The following FLVCR2 variants were observed in gnomAD, a reference collection of about 807,000 sequenced individuals.
FLVCR2 encodes the protein choline/ethanolamine transporter FLVCR2.
In FLVCR2, 38 loss-of-function variants were observed where a neutral mutation model predicts 48.9. The ratio of observed to expected loss-of-function variants is 0.78; its 90% CI spans 0.60 to 1.02. FLVCR2 has a LOEUF of 1.02. Among genes scored for constraint, FLVCR2 ranks in the 50% least tolerant of loss-of-function variants. The pLI is 0.00. For synonymous variants in FLVCR2, 255 were observed against 257.0 expected (o/e 0.99, Z 0.07); for missense variants, 664 against 663.3 (o/e 1.00, Z -0.01).
At position 75,578,720 on chromosome 14, in the gene FLVCR2, TG is replaced by T; in HGVS notation, c.-252del. The T allele has an allele frequency of 6.9e-6, 4 of 579,896 alleles. No homozygotes were observed. Among genetic ancestry groups the T allele is most frequent in the Non-Finnish European group, 1.2e-5 (4 of 326,214 alleles). 35.9% of individuals were successfully genotyped at this position (579,896 alleles called of 1,614,324 possible). On this transcript the variant is annotated 5_prime_UTR_variant, in exon 1 of 10. Coordinates refer to ENST00000238667, the MANE Select transcript of FLVCR2 (RefSeq NM_017791.3). ...AAGGCAGGAGCGGTCCGGAGCCGGCTGCGGCGTGTGCGGCCGGCCTTGGGAC... is the reference window on the plus strand; with the variant it reads ...AAGGCAGGAGCGGTCCGGAGCCGGCTCGGCGTGTGCGGCCGGCCTTGGGAC...
intron 3 of FLVCR2, among the ~76,000 whole-genome samples, chr14:75,627,227 T>C (rs889079704): frequency 3.3e-5 from 5 of 152,134 alleles, no homozygotes; most frequent in Middle Eastern, 6.8e-3. Flanking sequence ...CTTATCTATT[T>C]GATTAAATGA....
At chr14:75,644,177 G>A (rs143976197) in intron 9 of FLVCR2, among the ~76,000 whole-genome samples, 6 of 152,112 alleles carry the variant, frequency 3.9e-5, no homozygotes, top group Admixed American at 6.5e-5. Flanking sequence ...TTTATAACCT[G>A]TGTTTATGTT....
intron 1 of FLVCR2, among the ~76,000 whole-genome samples, chr14:75,583,946 C>G (rs1418143515): frequency 1.3e-5 from 2 of 152,200 alleles, no homozygotes; most frequent in African/African-American, 4.8e-5. Flanking sequence ...CAGTCTTCAG[C>G]TGCTAAGCCG....
At chr14:75,624,383 G>A (rs1301407560) in intron 2 of FLVCR2, among the ~76,000 whole-genome samples, 2 of 151,954 alleles carry the variant, frequency 1.3e-5, no homozygotes, top group Non-Finnish European at 1.5e-5. Flanking sequence ...AAAAGAAAAT[G>A]GCATAAAAAA....
At position 75,599,326 on chromosome 14, in the gene FLVCR2, AC is replaced by A. The variant is rs397966103; in HGVS notation, c.669+19694del. On this transcript the variant is annotated intron_variant, in intron 1 of 9. Transcript: ENST00000238667. ...TTTTTATACACTGACAATGTACAAC[AC>A]CCCCCCCCAAAAAATTAAGAAACAA... Among the ~76,000 whole-genome samples the A allele has an allele frequency of 1.0e-3, 152 of 148,250 alleles. 1 individual carries two copies. The highest frequency in any genetic ancestry group is 9.7e-3 in the East Asian group (48 of 4,928).
chr14:75,646,379 G>C, intron 9 of FLVCR2, 22 bp from the exon 10 acceptor site: 1 of 1,595,630 alleles, frequency 6.3e-7, no homozygotes, highest in Non-Finnish European at 8.6e-7. Context: ...CCACAGCACT[G>C]CCTGTTTGTT....
At chr14:75,614,095 A>AT (rs1321067584) in intron 1 of FLVCR2, among the ~76,000 whole-genome samples, 1 of 152,244 alleles carries the variant, frequency 6.6e-6, no homozygotes, top group Non-Finnish European at 1.5e-5. Flanking sequence ...ATCATACTGA[A>AT]TGCTTTAAAA....
At chr14:75,585,841 G>T (rs1888732001) in intron 1 of FLVCR2, among the ~76,000 whole-genome samples, 1 of 152,210 alleles carries the variant, frequency 6.6e-6, no homozygotes, top group South Asian at 2.1e-4. Context: ...AACTGGAATT[G>T]GAAGGACAGG....
intron 3 of FLVCR2, among the ~76,000 whole-genome samples, chr14:75,628,214 G>T (rs1472011045): frequency 6.6e-6 from 1 of 151,982 alleles, no homozygotes; most frequent in African/African-American, 2.4e-5. Context: ...TTCCAGGTTT[G>T]AGCAATTCTC....
intron 3 of FLVCR2, among the ~76,000 whole-genome samples, chr14:75,630,405 G>A (rs951754582): frequency 1.3e-5 from 2 of 152,184 alleles, no homozygotes; most frequent in African/African-American, 2.4e-5. Context: ...TTTAACAAGT[G>A]CATTGGGGTT....
chr14:75,607,054 A>C (rs559356877), intron 1 of FLVCR2, among the ~76,000 whole-genome samples: 1 of 152,284 alleles, frequency 6.6e-6, no homozygotes. Context: ...AGGGATTCTG[A>C]TGCCCACTGA....
intron 1 of FLVCR2, among the ~76,000 whole-genome samples, chr14:75,611,870 C>T (rs1481010941): frequency 6.6e-6 from 1 of 152,194 alleles, no homozygotes; most frequent in Non-Finnish European, 1.5e-5. Flanking sequence ...TGCTGTCTAA[C>T]ACATAGCAGA....
At chr14:75,630,154 T>G (rs894786330) in intron 3 of FLVCR2, among the ~76,000 whole-genome samples, 1 of 152,212 alleles carries the variant, frequency 6.6e-6, no homozygotes, top group Non-Finnish European at 1.5e-5. Context: ...AATGTGTGCA[T>G]AGATTTCTGG....
rs1013381462 is a variant in FLVCR2 at position 75,581,883 on chromosome 14, G to C, written c.669+2242G>C. Among the ~76,000 whole-genome samples, 7 of 152,182 alleles carry C rather than the reference G, an allele frequency of 4.6e-5. No individual in the cohort carries two copies. In the East Asian group the frequency reaches 1.3e-3, roughly 29 times the overall value. On this transcript the variant is annotated intron_variant, in intron 1 of 9. Coordinates refer to ENST00000238667, the MANE Select transcript of FLVCR2 (RefSeq NM_017791.3). ...ATGGAAAGGAAATGAGAGGTTCTAA[G>C]AGGCGGGAACCCACATGGAAGAGGT...
rs1030369002 is a variant in FLVCR2, at chr14:75,646,555, C to T, written c.*83C>T. ...CTCTCACCGCCAGCACAAAGGGCTTCGCTAGAGATGTTTTTGGAGGGAATC... is the reference window on the plus strand; with the variant it reads ...CTCTCACCGCCAGCACAAAGGGCTTTGCTAGAGATGTTTTTGGAGGGAATC... On this transcript the variant is annotated 3_prime_UTR_variant, in exon 10 of 10. Transcript: ENST00000238667. 1.9e-5 allele frequency: 18 copies of T among 972,232 alleles called. No homozygotes were observed. Among genetic ancestry groups the T allele is most frequent in the Admixed American group, 5.5e-5 (3 of 54,414 alleles). 60.2% of individuals were successfully genotyped at this position (972,232 alleles called of 1,614,324 possible).
At chr14:75,641,408 T>C (rs1191796449) in intron 8 of FLVCR2, 115 bp downstream of exon 8, 1 of 743,230 alleles carries the variant, frequency 1.3e-6, no homozygotes, top group East Asian at 2.6e-5. Flanking sequence ...GAAGGGTTTG[T>C]TGGGGAATCT....
intron 1 of FLVCR2, among the ~76,000 whole-genome samples, chr14:75,605,052 G>C (rs908474117): frequency 6.6e-6 from 1 of 152,202 alleles, no homozygotes; most frequent in East Asian, 1.9e-4. Flanking sequence ...GGGACCGGGC[G>C]GGGGGCGCCC....
In FLVCR2 at chr14:75,648,121, C is replaced by A. The variant is rs1296735484; in HGVS notation, c.*1649C>A. On this transcript the variant is annotated 3_prime_UTR_variant, in exon 10 of 10. Transcript: ENST00000238667. ...ATTTTAAAAACATAATTTGTGTTTT[C>A]TATTTGTAAGATCTGACATTTCGAG... The A allele has an allele frequency of 1.3e-5, 2 of 152,612 alleles. No individual in the cohort carries two copies. Among genetic ancestry groups the A allele is most frequent in the Non-Finnish European group, 2.9e-5 (2 of 68,036 alleles). The allele number at this position is 152,612 out of a possible 1,614,324, so 9.5% of individuals were successfully genotyped here.
At chr14:75,620,448 C>T (rs1376057872) in intron 1 of FLVCR2, among the ~76,000 whole-genome samples, 1 of 152,150 alleles carries the variant, frequency 6.6e-6, no homozygotes, top group African/African-American at 2.4e-5. Flanking sequence ...CTCACTTGGC[C>T]TTTGTTTTCT....
Sources: allele counts gnomAD v4.1 joint callset (sites outside exome capture counted in the v4.1 genomes callset), GRCh38; gene constraint gnomAD v4.1.1; transcripts MANE v1.5; gene names NCBI Gene and HGNC (gene_info 2026-07-23, HGNC 2026-07-21).